The following ERC2 variants were observed in gnomAD, a reference collection of about 807,000 sequenced individuals.
ERC2 encodes ELKS/RAB6-interacting/CAST family member 2.
Under a neutral mutation model 114.8 loss-of-function variants are expected in ERC2, and 42 were observed. The ratio of observed to expected loss-of-function variants is 0.37; its 90% CI spans 0.29 to 0.47. ERC2 has a LOEUF of 0.47. ERC2 is among the 20% of genes least tolerant of loss of function. The pLI is 0.99. For synonymous variants in ERC2, 454 were observed against 425.5 expected (o/e 1.07, Z -0.82); for missense variants, 939 against 1,150.7 (o/e 0.82, Z 2.66).
Position 56,078,663 on chromosome 3 carries a change from T to A in ERC2, c.1641+2154A>T, listed in dbSNP as rs73091050. 8.9e-3 allele frequency among the ~76,000 whole-genome samples: 1,358 copies of A among 152,238 alleles called. 7 individuals are homozygous for A. Among genetic ancestry groups the A allele is most frequent in the Middle Eastern group, 0.017 (5 of 294 alleles). ...GGCAGTAGGGGGTGAGCATGTAACATAACCTTGGCCAATCAAATGCTCCTA... is the reference window on the plus strand; with the variant it reads ...GGCAGTAGGGGGTGAGCATGTAACAAAACCTTGGCCAATCAAATGCTCCTA... On this transcript the variant is annotated intron_variant, in intron 7 of 17. Coordinates refer to ENST00000288221, the MANE Select transcript of ERC2 (RefSeq NM_015576.3).
At chr3:55,601,281 A>G (rs2058391086) in intron 17 of ERC2, among the ~76,000 whole-genome samples, 1 of 152,216 alleles carries the variant, frequency 6.6e-6, no homozygotes, top group Non-Finnish European at 1.5e-5. Flanking sequence ...TCTAGGCAGA[A>G]CTGGCTTATA....
intron 14 of ERC2, among the ~76,000 whole-genome samples, chr3:55,840,453 A>G (rs2061081982): frequency 1.3e-5 from 2 of 151,718 alleles, no homozygotes; most frequent in African/African-American, 4.8e-5. Flanking sequence ...AACACTTGGT[A>G]TGGCTAAATT....
intron 14 of ERC2, among the ~76,000 whole-genome samples, chr3:55,783,844 G>A (rs778002253): frequency 5.3e-5 from 8 of 152,282 alleles, no homozygotes; most frequent in Middle Eastern, 3.4e-3. Context: ...TTAAAAGGAC[G>A]GGACAATAAC....
chr3:55,887,449 A>G (rs562056188), intron 14 of ERC2, among the ~76,000 whole-genome samples: 6 of 152,090 alleles, frequency 3.9e-5, no homozygotes, highest in African/African-American at 1.5e-4. Flanking sequence ...ATACCTAGCC[A>G]CCAATTTCAA....
intron 7 of ERC2, among the ~76,000 whole-genome samples, chr3:56,065,835 G>A (rs1028726225): frequency 6.6e-6 from 1 of 152,080 alleles, no homozygotes; most frequent in Non-Finnish European, 1.5e-5. Context: ...TGCTGAGGAT[G>A]ATGGCTTCCA....
At chr3:55,738,981 A>G (rs1253126106) in intron 14 of ERC2, among the ~76,000 whole-genome samples, 1 of 151,630 alleles carries the variant, frequency 6.6e-6, no homozygotes, top group Non-Finnish European at 1.5e-5. Flanking sequence ...TCATTGTTCA[A>G]CTCCCACCTA....
At chr3:55,565,905 T>C (rs1226641123) in intron 17 of ERC2, among the ~76,000 whole-genome samples, 1 of 152,254 alleles carries the variant, frequency 6.6e-6, no homozygotes, top group East Asian at 1.9e-4. Context: ...GTCAAAAGTC[T>C]TTTGCTGCTA....
intron 13 of ERC2, among the ~76,000 whole-genome samples, chr3:55,904,204 C>A (rs2064300719): frequency 2.0e-5 from 3 of 152,066 alleles, no homozygotes; most frequent in Admixed American, 2.0e-4. Flanking sequence ...AACATTTTTG[C>A]CCTCATCCAA....
chr3:55,663,558 CACCTCGTCTGCAGATCACCTAT>C (rs2061230155), intron 17 of ERC2, among the ~76,000 whole-genome samples: 1 of 152,184 alleles, frequency 6.6e-6, no homozygotes, highest in Non-Finnish European at 1.5e-5. Context: ...CCCCAGCCCC[CACCTCGTCTGCAGATCACCTAT>C]CAGGGTTGAG....
At chr3:56,336,919 A>T (rs1041447558) in intron 2 of ERC2, among the ~76,000 whole-genome samples, 14 of 152,210 alleles carry the variant, frequency 9.2e-5, no homozygotes, top group African/African-American at 3.4e-4. Context: ...AAAACTTAAT[A>T]AAAAAGCTAA....
chr3:55,678,896 C>T (rs1009313159), intron 17 of ERC2, among the ~76,000 whole-genome samples: 1 of 152,258 alleles, frequency 6.6e-6, no homozygotes, highest in Non-Finnish European at 1.5e-5. Flanking sequence ...CTTCACCTTC[C>T]TAGTCTTATC....
At chr3:56,377,170 T>C (rs1329302034) in intron 2 of ERC2, among the ~76,000 whole-genome samples, 3 of 152,196 alleles carry the variant, frequency 2.0e-5, no homozygotes, top group East Asian at 3.9e-4. Context: ...GAATTCAGTA[T>C]ATACTTGTCA....
chr3:55,948,816 G>C (rs900791594), intron 13 of ERC2, among the ~76,000 whole-genome samples: 1 of 152,142 alleles, frequency 6.6e-6, no homozygotes, highest in Non-Finnish European at 1.5e-5. Context: ...TATCAGATTA[G>C]AACTGTAGAA....
chr3:56,224,050 T>G (rs1047534839), intron 3 of ERC2, among the ~76,000 whole-genome samples: 1 of 152,218 alleles, frequency 6.6e-6, no homozygotes, highest in Non-Finnish European at 1.5e-5. Flanking sequence ...AAGTAATATA[T>G]TCATATACTC....
chr3:55,640,061 G>A (rs2060113374), intron 17 of ERC2, among the ~76,000 whole-genome samples: 1 of 152,290 alleles, frequency 6.6e-6, no homozygotes, highest in South Asian at 2.1e-4. Context: ...TGCTCTGCAT[G>A]ATATTGAAAG....
rs1342826229 is a variant in ERC2, at chr3:55,744,105, A to G, written c.2565-9187T>C. ...TTGCCAGCCCAGTCTTCATTTGCAT[A>G]GAAGTGCAACTTTGTGGCCAGGCAT... On this transcript the variant is annotated intron_variant, in intron 14 of 17. Coordinates refer to ENST00000288221, the MANE Select transcript of ERC2 (RefSeq NM_015576.3). 3.3e-5 allele frequency among the ~76,000 whole-genome samples: 5 copies of G among 152,290 alleles called. No homozygotes were observed. The East Asian group carries it at 9.7e-4, about 29-fold the overall frequency.
chr3:56,223,432 A>C (rs570439951), intron 3 of ERC2, among the ~76,000 whole-genome samples: 37 of 152,090 alleles, frequency 2.4e-4, no homozygotes, highest in Admixed American at 3.9e-4. Context: ...CAACATACGC[A>C]AGAAAGTGGA....
intron 3 of ERC2, among the ~76,000 whole-genome samples, chr3:56,258,458 C>A (rs925718324): frequency 6.6e-6 from 1 of 151,958 alleles, no homozygotes; most frequent in Non-Finnish European, 1.5e-5. Context: ...GAGATTGAGA[C>A]CATCCTGTGA....
At chr3:55,646,080 C>T (rs2060385037) in intron 17 of ERC2, among the ~76,000 whole-genome samples, 1 of 152,154 alleles carries the variant, frequency 6.6e-6, no homozygotes, top group Admixed American at 6.5e-5. Context: ...GCCCCCATCC[C>T]CCTTTTTAAT....
Sources: allele counts gnomAD v4.1 joint callset (sites outside exome capture counted in the v4.1 genomes callset), GRCh38; gene constraint gnomAD v4.1.1; transcripts MANE v1.5; gene names NCBI Gene and HGNC (gene_info 2026-07-23, HGNC 2026-07-21).